CCSER1: variants seen among roughly 807,000 people sequenced by gnomAD.
CCSER1 encodes the protein serine-rich coiled-coil domain-containing protein 1.
A neutral mutation model predicts 82.0 loss-of-function variants in CCSER1; 41 were observed. The ratio of observed to expected loss-of-function variants is 0.50; its 90% CI spans 0.39 to 0.65. The LOEUF (loss-of-function observed/expected upper bound fraction) is 0.65, where lower values mean the gene tolerates loss of function less well. Among genes scored for constraint, CCSER1 ranks in the 30% least tolerant of loss-of-function variants. The probability of loss-of-function intolerance (pLI) is 0.00; values close to 1 mark genes in which losing one functional copy is unlikely to be tolerated. For synonymous variants in CCSER1, 414 were observed against 383.9 expected (o/e 1.08, Z -0.92); for missense variants, 1,119 against 1,064.2 (o/e 1.05, Z -0.72).
intron 7 of CCSER1, chr4:90,780,565 C>T (rs1324197077): frequency 6.5e-7 from 1 of 1,550,190 alleles, no homozygotes; most frequent in South Asian, 1.2e-5. Flanking sequence ...AATAAAGACT[C>T]TTTCCATCCA....
intron 4 of CCSER1, among the ~76,000 whole-genome samples, chr4:90,430,007 C>A (rs139662452): frequency 2.0e-5 from 3 of 151,684 alleles, no homozygotes; most frequent in Middle Eastern, 3.2e-3. Context: ...ATGAAACAAA[C>A]CTGATGTTCG....
intron 1 of CCSER1, among the ~76,000 whole-genome samples, chr4:90,149,645 A>G (rs1418443213): frequency 6.6e-6 from 1 of 152,176 alleles, no homozygotes; most frequent in Non-Finnish European, 1.5e-5. Context: ...CTATATGACA[A>G]TTTTGGAAAA....
intron 10 of CCSER1, among the ~76,000 whole-genome samples, chr4:91,183,921 C>T (rs1018307283): frequency 3.3e-5 from 5 of 152,168 alleles, no homozygotes; most frequent in African/African-American, 9.6e-5. Context: ...AGGTCATATC[C>T]AATTAATGTC....
intron 10 of CCSER1, among the ~76,000 whole-genome samples, chr4:91,177,416 C>G (rs1055846754): frequency 6.6e-6 from 1 of 152,164 alleles, no homozygotes; most frequent in Non-Finnish European, 1.5e-5. Context: ...CTTTGTACGT[C>G]TGGTAGAATT....
rs534297759 is a variant in CCSER1 at position 90,851,472 on chromosome 4, G to T, written c.2094+35627G>T. Reference sequence around the variant, plus strand: ...TGAAGTACATGGGGAGGGGTGGGGGGGGCGCTGTCCAGTTTTTAAATGGTT... The same window carrying T: ...TGAAGTACATGGGGAGGGGTGGGGGTGGCGCTGTCCAGTTTTTAAATGGTT... On this transcript the variant is annotated intron_variant, in intron 8 of 10. Coordinates refer to ENST00000509176, the MANE Select transcript of CCSER1 (RefSeq NM_001145065.2). Among the ~76,000 whole-genome samples the T allele has an allele frequency of 4.1e-5, 6 of 147,368 alleles. No individual in the cohort carries two copies. In the South Asian group the frequency reaches 1.2e-3, roughly 29 times the overall value.
At chr4:90,937,480 AACACACACAC>A (rs148799317) in intron 9 of CCSER1, among the ~76,000 whole-genome samples, 3 of 146,146 alleles carry the variant, frequency 2.1e-5, no homozygotes, top group African/African-American at 8.0e-5. Flanking sequence ...TCTAATTTGA[AACACACACAC>A]ACACACACAC....
intron 10 of CCSER1, among the ~76,000 whole-genome samples, chr4:91,379,668 A>G (rs1750719348): frequency 6.6e-6 from 1 of 152,062 alleles, no homozygotes; most frequent in South Asian, 2.1e-4. Context: ...CTAGTGGTCT[A>G]TCATTTTTGT....
At chr4:90,502,870 AT>A (rs957448862) in intron 5 of CCSER1, among the ~76,000 whole-genome samples, 62 of 151,290 alleles carry the variant, frequency 4.1e-4, no homozygotes, top group African/African-American at 1.3e-3. Flanking sequence ...CTTTTAAGCC[AT>A]TTTTTTTTCT....
intron 5 of CCSER1, among the ~76,000 whole-genome samples, chr4:90,615,405 T>G (rs1721000015): frequency 6.6e-6 from 1 of 152,168 alleles, no homozygotes; most frequent in Admixed American, 6.5e-5. Context: ...AAAAATCTTC[T>G]GGAAAGAACC....
intron 10 of CCSER1, among the ~76,000 whole-genome samples, chr4:91,180,894 T>C (rs1295224666): frequency 1.3e-5 from 2 of 152,050 alleles, no homozygotes; most frequent in East Asian, 3.9e-4. Context: ...ACTGAAAGTA[T>C]CCCTTAAGGG....
chr4:91,490,264 C>T (rs929081343), intron 10 of CCSER1, among the ~76,000 whole-genome samples: 12 of 152,084 alleles, frequency 7.9e-5, no homozygotes, highest in South Asian at 2.1e-4. Context: ...GAAAGAAAAA[C>T]AGTATATGGA....
intron 10 of CCSER1, among the ~76,000 whole-genome samples, chr4:91,359,623 T>G (rs1298418696): frequency 1.3e-5 from 2 of 151,630 alleles, no homozygotes; most frequent in Non-Finnish European, 3.0e-5. Context: ...GATTAGTATC[T>G]CAGATCTCAT....
intron 4 of CCSER1, among the ~76,000 whole-genome samples, chr4:90,457,795 T>C (rs1762377862): frequency 6.6e-6 from 1 of 152,106 alleles, no homozygotes; most frequent in Non-Finnish European, 1.5e-5. Flanking sequence ...AGGCCATCCC[T>C]AGCATAAAGG....
intron 10 of CCSER1, among the ~76,000 whole-genome samples, chr4:91,182,244 T>C (rs576732483): frequency 1.3e-5 from 2 of 152,320 alleles, no homozygotes; most frequent in South Asian, 2.1e-4. Flanking sequence ...TCAGGTGTCT[T>C]GATGGTATCC....
intron 10 of CCSER1, among the ~76,000 whole-genome samples, chr4:91,438,245 A>T (rs1368111559): frequency 1.3e-5 from 2 of 152,188 alleles, no homozygotes; most frequent in Non-Finnish European, 2.9e-5. Flanking sequence ...GTAGGGGCAG[A>T]CTGACACCTC....
intron 7 of CCSER1, among the ~76,000 whole-genome samples, chr4:90,792,200 G>T (rs1229917224): frequency 1.3e-5 from 2 of 151,848 alleles, no homozygotes; most frequent in Admixed American, 6.6e-5. Flanking sequence ...TTTTCTCTTG[G>T]AAATTTTATA....
At chr4:91,355,320 T>C (rs1748749790) in intron 10 of CCSER1, among the ~76,000 whole-genome samples, 1 of 152,132 alleles carries the variant, frequency 6.6e-6, no homozygotes, top group Admixed American at 6.5e-5. Context: ...TGGGGGCCCC[T>C]CTTTCTTCTG....
intron 1 of CCSER1, among the ~76,000 whole-genome samples, chr4:90,221,518 G>A (rs1742152647): frequency 6.6e-6 from 1 of 152,096 alleles, no homozygotes; most frequent in Admixed American, 6.6e-5. Flanking sequence ...GCAGGATCTG[G>A]TGTCCTCGAA....
intron 8 of CCSER1, among the ~76,000 whole-genome samples, chr4:90,820,460 G>A (rs1366048762): frequency 6.6e-6 from 1 of 152,144 alleles, no homozygotes; most frequent in Admixed American, 6.6e-5. Context: ...GGGAAGGAAT[G>A]CTTGTCCTCA....
Sources: gnomAD v4.1 joint callset for allele counts (sites outside exome capture counted in the v4.1 genomes callset) on GRCh38, gnomAD v4.1.1 for gene constraint, MANE v1.5 for transcripts, NCBI Gene and HGNC (gene_info 2026-07-23, HGNC 2026-07-21) for gene names.